Variants in TNFRSF10A observed in about 807,000 individuals in gnomAD.
TNFRSF10A encodes the protein tumor necrosis factor receptor superfamily member 10A.
TNFRSF10A carries 44 observed loss-of-function variants against 42.8 expected under a neutral mutation model. That is an observed-to-expected ratio of 1.03 (90% CI 0.81 to 1.32). TNFRSF10A has a LOEUF of 1.32. TNFRSF10A is among the 40% of genes most tolerant of loss of function. The pLI is 0.00. For synonymous variants in TNFRSF10A, 259 were observed against 234.2 expected (o/e 1.11, Z -0.97); for missense variants, 680 against 602.0 (o/e 1.13, Z -1.36).
chr8:23,219,984 A>T (rs1383765283), intron 1 of TNFRSF10A, among the ~76,000 whole-genome samples: 1 of 152,024 alleles, frequency 6.6e-6, no homozygotes, highest in Non-Finnish European at 1.5e-5. Flanking sequence ...AGCTGCACAC[A>T]CTTTCCCTCT....
Position 23,213,436 on chromosome 8 carries a change from C to CT in TNFRSF10A, c.307-1225dup, listed in dbSNP as rs58691757. Among the ~76,000 whole-genome samples, 59 of 68,654 alleles carry CT rather than the reference C, an allele frequency of 8.6e-4. 10 individuals carry two copies. Among genetic ancestry groups the CT allele is most frequent in the African/African-American group, 2.8e-3 (46 of 16,486 alleles). 45.0% of individuals were successfully genotyped at this position (68,654 alleles called of 152,430 possible). On this transcript the variant is annotated intron_variant, in intron 1 of 9. Transcript: ENST00000221132. Reference sequence around the variant, plus strand: ...GCTGGTTTGGGCTTAGTTTGCTCCTCTTTTTTTTTTTTTTTTTTTTTTTTT... The same window carrying CT: ...GCTGGTTTGGGCTTAGTTTGCTCCTCTTTTTTTTTTTTTTTTTTTTTTTTTT...
chr8:23,207,932 T>G (rs1368541198), intron 2 of TNFRSF10A, among the ~76,000 whole-genome samples: 2 of 150,952 alleles, frequency 1.3e-5, no homozygotes, highest in African/African-American at 4.9e-5. Flanking sequence ...TACAGTAAAT[T>G]GGTACCAGTA....
chr8:23,225,066 C>T lies in TNFRSF10A; in HGVS notation c.-5G>A, dbSNP rs755050615. On this transcript the variant is annotated 5_prime_UTR_variant, in exon 1 of 10. Transcript: ENST00000221132. Reference sequence around the variant, plus strand: ...TCTAGCTGGTGGTGGCGCCATCCTGCCAGGTCAATCCAAGAAGCAGCGTGC... The same window carrying T: ...TCTAGCTGGTGGTGGCGCCATCCTGTCAGGTCAATCCAAGAAGCAGCGTGC... The T allele has an allele frequency of 5.3e-6, 8 of 1,506,290 alleles. No homozygotes were observed. The highest frequency in any genetic ancestry group is 7.1e-6 in the Non-Finnish European group (8 of 1,129,104). The allele number at this position is 1,506,290 out of a possible 1,614,324, so 93.3% of individuals were successfully genotyped here.
Position 23,202,644 on chromosome 8 carries a change from G to C in TNFRSF10A, c.517+4C>G, listed in dbSNP as rs367963827. On this transcript the variant is annotated splice_donor_region_variant and intron_variant, in intron 3 of 9. Transcript: ENST00000221132. Reference sequence around the variant, plus strand: ...TCTGGACAAGAGGTCCACACATTCTGTACCTGATTTACAAGCTGTACATGG... The same window carrying C: ...TCTGGACAAGAGGTCCACACATTCTCTACCTGATTTACAAGCTGTACATGG... 6.2e-7 allele frequency: 1 copy of C among 1,611,248 alleles called. No homozygotes were observed. Among genetic ancestry groups the C allele is most frequent in the African/African-American group, 1.3e-5 (1 of 74,842 alleles).
intron 2 of TNFRSF10A, among the ~76,000 whole-genome samples, chr8:23,207,674 G>A (rs1029267724): frequency 2.0e-5 from 3 of 152,258 alleles, no homozygotes; most frequent in South Asian, 2.1e-4. Context: ...TTCCCTTGCA[G>A]TTCTCATGAT....
rs1800741810 is a variant in TNFRSF10A, at chr8:23,190,566, G to C, written c.*1128C>G. ...TATACAAAAGTCCAAATTTCCAAAG[G>C]TATATGTACTTTAATTGTGACTTGA... On this transcript the variant is annotated 3_prime_UTR_variant, in exon 10 of 10. Coordinates refer to ENST00000221132, the MANE Select transcript of TNFRSF10A (RefSeq NM_003844.4). The C allele has an allele frequency of 6.6e-6, 1 of 152,066 alleles. No homozygotes were observed. Among genetic ancestry groups the C allele is most frequent in the Non-Finnish European group, 1.5e-5 (1 of 68,020 alleles). The allele number at this position is 152,066 out of a possible 1,614,324, so 9.4% of individuals were successfully genotyped here.
intron 1 of TNFRSF10A, among the ~76,000 whole-genome samples, chr8:23,224,203 G>A (rs1324636095): frequency 6.6e-6 from 1 of 151,038 alleles, no homozygotes; most frequent in Non-Finnish European, 1.5e-5. Context: ...GGGAGGCTGA[G>A]GCAGGAGAAT....
In TNFRSF10A at chr8:23,209,428, C is replaced by T. The variant is rs983946022; in HGVS notation, c.403+2688G>A. Among the ~76,000 whole-genome samples, 9 of 152,188 alleles carry T rather than the reference C, an allele frequency of 5.9e-5. No homozygotes were observed. The South Asian group carries it at 8.3e-4, about 14-fold the overall frequency. On this transcript the variant is annotated intron_variant, in intron 2 of 9. Coordinates refer to ENST00000221132, the MANE Select transcript of TNFRSF10A (RefSeq NM_003844.4). ...GTAGAACTGCTGATAACTTATACACCGTGCACCTAGAAAAGCTGCAGACAC... is the reference window on the plus strand; with the variant it reads ...GTAGAACTGCTGATAACTTATACACTGTGCACCTAGAAAAGCTGCAGACAC...
rs117528535 is a variant in TNFRSF10A, at chr8:23,212,908, G to A, written c.307-696C>T. Among the ~76,000 whole-genome samples the A allele has an allele frequency of 1.4e-4, 22 of 152,264 alleles. No homozygotes were observed. In the East Asian group the frequency reaches 1.5e-3, roughly 11 times the overall value. ...CACTTCTATATTATCAGGGTAATGC[G>A]GGGCCCACACGAAGAGTTAGAAAGT... is the stretch of plus-strand genomic sequence containing the variant. On this transcript the variant is annotated intron_variant, in intron 1 of 9. Coordinates refer to ENST00000221132, the MANE Select transcript of TNFRSF10A (RefSeq NM_003844.4).
At position 23,205,711 on chromosome 8, in the gene TNFRSF10A, C is replaced by CTTTTT. The variant is rs35059862; in HGVS notation, c.404-2955_404-2951dup. 9.9e-5 allele frequency among the ~76,000 whole-genome samples: 13 copies of CTTTTT among 130,852 alleles called. 1 individual carries two copies. The highest frequency in any genetic ancestry group is 2.4e-4 in the South Asian group (1 of 4,164). 85.8% of individuals were successfully genotyped at this position (130,852 alleles called of 152,430 possible). On this transcript the variant is annotated intron_variant, in intron 2 of 9. Coordinates refer to ENST00000221132, the MANE Select transcript of TNFRSF10A (RefSeq NM_003844.4). The stretch of plus-strand genomic sequence containing the variant: ...TAGACCTAGGTTAATGTCTGTGTTT[C>CTTTTT]TTTTTTTTTTTTTTTTTGAGAAGGA...
rs778544744 is a variant in TNFRSF10A at position 23,200,752 on chromosome 8, C to T, written c.638G>A (p.Arg213Lys). 3.3e-6 allele frequency: 4 copies of T among 1,215,410 alleles called. No individual in the cohort carries two copies. Among genetic ancestry groups the T allele is most frequent in the Non-Finnish European group, 4.6e-6 (4 of 872,206 alleles). The allele number at this position is 1,215,410 out of a possible 1,614,324, so 75.3% of individuals were successfully genotyped here. A position where few individuals can be genotyped will look rare whatever the true frequency, so the allele number is the denominator to read the frequency against. Residue 213 changes from arginine (R) to lysine (K), a missense_variant, in exon 5 of 10, where the codon AGA (arginine) becomes AAA (lysine). Arg to Lys is a conservative substitution (Grantham distance 26). Coordinates refer to ENST00000221132, the MANE Select transcript of TNFRSF10A (RefSeq NM_003844.4). ...MCRKCSRGCP[R>K]GMVKVKDCTP... The stretch of plus-strand genomic sequence containing the variant: ...ACAATCCTTGACCTTGACCATCCCT[C>T]TGGGGCACCTGGGTACACACAGGGA...
At chr8:23,193,396 T>C (rs1267077853) in intron 9 of TNFRSF10A, among the ~76,000 whole-genome samples, 1 of 152,180 alleles carries the variant, frequency 6.6e-6, no homozygotes, top group Non-Finnish European at 1.5e-5. Flanking sequence ...GCCTTTGAAA[T>C]TTGACATTTG....
intron 1 of TNFRSF10A, among the ~76,000 whole-genome samples, chr8:23,213,673 T>G (rs1372422985): frequency 6.6e-6 from 1 of 152,102 alleles, no homozygotes; most frequent in Non-Finnish European, 1.5e-5. Flanking sequence ...CTCTATCTCC[T>G]GACCTCGTGA....
chr8:23,194,994 AC>A lies in TNFRSF10A; in HGVS notation c.1087+2137del, dbSNP rs1326667015. Among the ~76,000 whole-genome samples, 262 of 152,256 alleles carry A rather than the reference AC, an allele frequency of 1.7e-3. 2 individuals carry two copies. Among genetic ancestry groups the A allele is most frequent in the Non-Finnish European group, 5.4e-4 (37 of 68,016 alleles). Reference sequence around the variant, plus strand: ...GCCAACGTGGCAAAACCCTGTCTCTACTAAAAATACAAAAAGTACCCAGATG... The same window carrying A: ...GCCAACGTGGCAAAACCCTGTCTCTATAAAAATACAAAAAGTACCCAGATG... On this transcript the variant is annotated intron_variant, in intron 9 of 9. Transcript: ENST00000221132.
chr8:23,191,634 A>AC lies in TNFRSF10A; in HGVS notation c.*59_*60insG, dbSNP rs1468703254. On this transcript the variant is annotated 3_prime_UTR_variant, in exon 10 of 10. Transcript: ENST00000221132. ...CTTTGTATACATGTTAAAAAAAAAA[A>AC]AAACCTAATATGTATTAACTCCTAA... 6.8e-7 allele frequency: 1 copy of AC among 1,476,292 alleles called. No individual in the cohort carries two copies. The highest frequency in any genetic ancestry group is 8.9e-7 in the Non-Finnish European group (1 of 1,120,754). 91.4% of individuals were successfully genotyped at this position (1,476,292 alleles called of 1,614,324 possible). A position where few individuals can be genotyped will look rare whatever the true frequency, so the allele number is the denominator to read the frequency against.
At chr8:23,195,582 T>C (rs1050737396) in intron 9 of TNFRSF10A, among the ~76,000 whole-genome samples, 2 of 152,198 alleles carry the variant, frequency 1.3e-5, no homozygotes, top group African/African-American at 4.8e-5. Context: ...TGCAATGGCC[T>C]CGTGAGAGGT....
intron 1 of TNFRSF10A, among the ~76,000 whole-genome samples, chr8:23,215,562 A>G (rs184436497): frequency 1.3e-5 from 2 of 152,280 alleles, no homozygotes; most frequent in African/African-American, 2.4e-5. Context: ...AAAACAAACA[A>G]TGAATTCCAA....
chr8:23,218,225 TCTC>T lies in TNFRSF10A; in HGVS notation c.307-6016_307-6014del, dbSNP rs908393337. Among the ~76,000 whole-genome samples the T allele has an allele frequency of 3.6e-4, 55 of 151,952 alleles. 1 individual carries two copies. The highest frequency in any genetic ancestry group is 2.7e-4 in the Non-Finnish European group (18 of 67,922). On this transcript the variant is annotated intron_variant, in intron 1 of 9. Transcript: ENST00000221132. Reference sequence around the variant, plus strand: ...GAGAGAGAGGTCTTGTTCCAGGTCTTCTCCTCCATAGACTCTCCTGACCCTGCC... The same window carrying T: ...GAGAGAGAGGTCTTGTTCCAGGTCTTCTCCATAGACTCTCCTGACCCTGCC...
intron 8 of TNFRSF10A, 68 bp downstream of exon 8, chr8:23,199,198 C>A: frequency 6.4e-7 from 1 of 1,560,326 alleles, no homozygotes; most frequent in Non-Finnish European, 8.7e-7. Context: ...CCCCTTTGAC[C>A]AGGAGAGCCG....
Sources: allele counts gnomAD v4.1 joint callset (sites outside exome capture counted in the v4.1 genomes callset), GRCh38; gene constraint gnomAD v4.1.1; transcripts MANE v1.5; gene names NCBI Gene and HGNC (gene_info 2026-07-23, HGNC 2026-07-21).